The following KCNMA1 variants were observed in gnomAD, a reference collection of about 807,000 sequenced individuals.
KCNMA1 encodes the protein potassium calcium-activated channel subfamily M alpha 1, also known as Calcium-activated potassium channel subunit alpha-1.
Under a neutral mutation model 140.0 loss-of-function variants are expected in KCNMA1, and 29 were observed. The observed-to-expected ratio is 0.21, with a 90% CI of 0.15 to 0.28. The LOEUF is 0.28. Ranked by LOEUF, KCNMA1 falls within the 10% of genes least tolerant of loss-of-function variation. The probability of loss-of-function intolerance (pLI) is 1.00; values close to 1 mark genes in which losing one functional copy is unlikely to be tolerated. For synonymous variants in KCNMA1, 612 were observed against 611.9 expected (o/e 1.00, Z 0.00); for missense variants, 880 against 1,602.2 (o/e 0.55, Z 7.70).
intron 3 of KCNMA1, among the ~76,000 whole-genome samples, chr10:77,234,272 C>A (rs1333629334): frequency 1.3e-5 from 2 of 152,166 alleles, no homozygotes; most frequent in Non-Finnish European, 2.9e-5. Flanking sequence ...ATAGTCTTCA[C>A]CAGACTGCCA....
At chr10:77,266,077 G>GT (rs1666299312) in intron 2 of KCNMA1, among the ~76,000 whole-genome samples, 1 of 42,332 alleles carries the variant, frequency 2.4e-5, no homozygotes, top group African/African-American at 1.2e-4. Context: ...GTGAAAACCT[G>GT]CCAAAAAAAA....
intron 2 of KCNMA1, among the ~76,000 whole-genome samples, chr10:77,344,194 C>T: frequency 6.6e-6 from 1 of 152,214 alleles, no homozygotes; most frequent in East Asian, 1.9e-4. Context: ...GGCCACCAGC[C>T]CACAAGGGAC....
intron 12 of KCNMA1, among the ~76,000 whole-genome samples, chr10:77,082,428 C>T (rs1042897443): frequency 6.6e-6 from 1 of 152,120 alleles, no homozygotes; most frequent in Non-Finnish European, 1.5e-5. Context: ...TAAAATACTA[C>T]AATTAAGAGA....
chr10:77,588,856 T>C lies in KCNMA1; in HGVS notation c.378+48409A>G, dbSNP rs541548073. 1.1e-4 allele frequency among the ~76,000 whole-genome samples: 16 copies of C among 152,340 alleles called. No homozygotes were observed. The East Asian group carries it at 2.9e-3, about 28-fold the overall frequency. ...CAACATACATTTATTGAGTGCCTAC[T>C]ACCAGCAAGAAACAAGAAGCAGCAA... On this transcript the variant is annotated intron_variant, in intron 1 of 27. Coordinates refer to ENST00000286628, the MANE Select transcript of KCNMA1 (RefSeq NM_001161352.2).
intron 17 of KCNMA1, among the ~76,000 whole-genome samples, chr10:77,014,198 T>G (rs1042654702): frequency 6.6e-6 from 1 of 152,110 alleles, no homozygotes; most frequent in East Asian, 1.9e-4. Flanking sequence ...GAGGCTGATG[T>G]GGATAGATCA....
chr10:77,441,675 T>C (rs887301291), intron 1 of KCNMA1, among the ~76,000 whole-genome samples: 4 of 152,134 alleles, frequency 2.6e-5, no homozygotes, highest in Non-Finnish European at 5.9e-5. Flanking sequence ...CAAGAGGCTC[T>C]ACAAACTCTC....
At chr10:77,547,682 T>C (rs1446622760) in intron 1 of KCNMA1, among the ~76,000 whole-genome samples, 2 of 152,202 alleles carry the variant, frequency 1.3e-5, no homozygotes, top group Non-Finnish European at 2.9e-5. Flanking sequence ...AAAAAGGTTT[T>C]GAAGCAGAGG....
chr10:77,242,429 G>A (rs968337955), intron 3 of KCNMA1, among the ~76,000 whole-genome samples: 2 of 152,080 alleles, frequency 1.3e-5, no homozygotes, highest in Non-Finnish European at 2.9e-5. Flanking sequence ...AGAGTTGAGG[G>A]CAGACTGAGT....
At chr10:77,064,662 C>T (rs1187475624) in intron 14 of KCNMA1, among the ~76,000 whole-genome samples, 1 of 152,160 alleles carries the variant, frequency 6.6e-6, no homozygotes, top group Non-Finnish European at 1.5e-5. Context: ...CATTAGTGGG[C>T]TTGGTCAGAC....
intron 5 of KCNMA1, among the ~76,000 whole-genome samples, chr10:77,161,199 G>A (rs2098550563): frequency 6.6e-6 from 1 of 152,168 alleles, no homozygotes; most frequent in Non-Finnish European, 1.5e-5. Flanking sequence ...TTCAGGCCAA[G>A]GTGAGAAGGA....
chr10:77,389,853 C>T (rs1204989885), intron 2 of KCNMA1, among the ~76,000 whole-genome samples: 2 of 152,136 alleles, frequency 1.3e-5, no homozygotes, highest in Non-Finnish European at 2.9e-5. Flanking sequence ...AAGCAGGCAC[C>T]GTAACTCACG....
chr10:77,277,900 A>G (rs538373952), intron 2 of KCNMA1, among the ~76,000 whole-genome samples: 106 of 152,290 alleles, frequency 7.0e-4, no homozygotes, highest in African/African-American at 2.5e-3. Context: ...AGTTTCTAAG[A>G]GTTCAAAGAA....
intron 3 of KCNMA1, among the ~76,000 whole-genome samples, chr10:77,239,218 C>T (rs1380303781): frequency 6.6e-6 from 1 of 152,226 alleles, no homozygotes; most frequent in Non-Finnish European, 1.5e-5. Flanking sequence ...GTGCCACTTC[C>T]TCCCACTGCT....
At chr10:77,415,566 A>G (rs1191485528) in intron 1 of KCNMA1, among the ~76,000 whole-genome samples, 1 of 152,282 alleles carries the variant, frequency 6.6e-6, no homozygotes, top group Non-Finnish European at 1.5e-5. Context: ...AGACTGGGAT[A>G]TGGATAACCA....
At chr10:77,102,296 C>G (rs1482589905) in intron 9 of KCNMA1, among the ~76,000 whole-genome samples, 2 of 152,076 alleles carry the variant, frequency 1.3e-5, no homozygotes, top group East Asian at 1.9e-4. Context: ...AGTCTAGAAC[C>G]CTGGTGGACA....
At chr10:77,524,471 A>G (rs757602448) in intron 1 of KCNMA1, among the ~76,000 whole-genome samples, 2 of 152,174 alleles carry the variant, frequency 1.3e-5, no homozygotes, top group Non-Finnish European at 2.9e-5. Flanking sequence ...TCAGAATAAT[A>G]AGAAGAAGAA....
chr10:77,152,709 T>C (rs1195093289), intron 5 of KCNMA1, among the ~76,000 whole-genome samples: 1 of 152,194 alleles, frequency 6.6e-6, no homozygotes, highest in African/African-American at 2.4e-5. Flanking sequence ...CTTCAGTGAC[T>C]GGAGAAAGTC....
chr10:77,050,734 T>G (rs1594782906), intron 14 of KCNMA1, among the ~76,000 whole-genome samples: 1 of 152,176 alleles, frequency 6.6e-6, no homozygotes, highest in East Asian at 1.9e-4. Flanking sequence ...CCAAAGACGG[T>G]GAAGAATAAG....
chr10:76,913,679 A>G (rs2051351400), intron 24 of KCNMA1: 1 of 188,736 alleles, frequency 5.3e-6, no homozygotes, highest in African/African-American at 2.3e-5. Flanking sequence ...AGCTGTGAAG[A>G]CATGTCATTC....
Sources: allele counts gnomAD v4.1 joint callset (sites outside exome capture counted in the v4.1 genomes callset), GRCh38; gene constraint gnomAD v4.1.1; transcripts MANE v1.5; gene names NCBI Gene and HGNC (gene_info 2026-07-23, HGNC 2026-07-21).